Variants in OPCML observed in about 807,000 individuals in gnomAD.
The protein encoded by OPCML is opioid binding protein/cell adhesion molecule like, also known as opioid-binding protein/cell adhesion molecule.
Under a neutral mutation model 37.8 loss-of-function variants are expected in OPCML, and 13 were observed. The observed-to-expected ratio is 0.34, with a 90% CI of 0.22 to 0.55. The LOEUF is 0.55. OPCML is among the 20% of genes least tolerant of loss of function. The pLI, the probability that OPCML is intolerant of heterozygous loss-of-function variation, is 0.91. For missense variants in OPCML, 341 were observed against 435.6 expected (o/e 0.78, Z 1.93); for synonymous variants, 176 against 168.8 (o/e 1.04, Z -0.33).
chr11:133,413,341 A>AG (rs1945690789), intron 1 of OPCML, among the ~76,000 whole-genome samples: 1 of 109,928 alleles, frequency 9.1e-6, no homozygotes. Context: ...GGTAGGGGGG[A>AG]GGGGGAGGGA....
intron 3 of OPCML, among the ~76,000 whole-genome samples, chr11:132,616,075 C>T (rs1180262161): frequency 3.3e-5 from 5 of 152,104 alleles, no homozygotes; most frequent in Non-Finnish European, 7.4e-5. Flanking sequence ...TTTTCTGGGG[C>T]GTTGGTCAAC....
chr11:133,312,864 G>GA (rs1263432398), intron 1 of OPCML, among the ~76,000 whole-genome samples: 11 of 151,752 alleles, frequency 7.2e-5, no homozygotes, highest in African/African-American at 1.9e-4. Context: ...CTCAAAGTTG[G>GA]AAAAAAAATC....
chr11:133,005,237 T>TA, intron 1 of OPCML: 1 of 985,454 alleles, frequency 1.0e-6, no homozygotes, highest in Non-Finnish European at 1.2e-6. Flanking sequence ...GAGACGATTT[T>TA]AAAAGATTGA....
At chr11:132,724,374 G>A (rs946185714) in intron 2 of OPCML, among the ~76,000 whole-genome samples, 1 of 152,138 alleles carries the variant, frequency 6.6e-6, no homozygotes, top group African/African-American at 2.4e-5. Flanking sequence ...TGCTGTTAAA[G>A]AACCCTTATA....
intron 1 of OPCML, among the ~76,000 whole-genome samples, chr11:133,201,301 C>T (rs557607859): frequency 3.8e-4 from 33 of 87,020 alleles, no homozygotes; most frequent in Non-Finnish European, 5.5e-4. Flanking sequence ...GAAAACAATG[C>T]ATGCTTTTTT....
At chr11:133,429,093 G>T (rs898946321) in intron 1 of OPCML, among the ~76,000 whole-genome samples, 1 of 152,166 alleles carries the variant, frequency 6.6e-6, no homozygotes. Flanking sequence ...TGGAAGGAGT[G>T]GGGGAAGAAT....
intron 1 of OPCML, among the ~76,000 whole-genome samples, chr11:133,464,066 C>T (rs1376535682): frequency 1.4e-5 from 2 of 145,730 alleles, no homozygotes; most frequent in Non-Finnish European, 2.9e-5. Flanking sequence ...ATATAGATCC[C>T]AACAGATAAG....
chr11:133,277,189 C>T (rs547128572), intron 1 of OPCML, among the ~76,000 whole-genome samples: 8 of 152,148 alleles, frequency 5.3e-5, no homozygotes, highest in South Asian at 2.1e-4. Context: ...ATATGTGTCA[C>T]GTCCAGCCAT....
chr11:132,649,876 G>T (rs1011213149), intron 3 of OPCML, among the ~76,000 whole-genome samples: 1 of 151,762 alleles, frequency 6.6e-6, no homozygotes. Flanking sequence ...ACATACAGAG[G>T]TACCACGTAC....
At chr11:132,576,582 C>G (rs569869308) in intron 3 of OPCML, among the ~76,000 whole-genome samples, 142 of 152,188 alleles carry the variant, frequency 9.3e-4, no homozygotes, top group African/African-American at 3.2e-3. Flanking sequence ...TTTGAATTCT[C>G]TCTTAGGTAA....
intron 2 of OPCML, among the ~76,000 whole-genome samples, chr11:132,663,925 C>A (rs975617785): frequency 1.3e-5 from 2 of 152,116 alleles, no homozygotes; most frequent in Non-Finnish European, 2.9e-5. Flanking sequence ...CTCCGCCTCC[C>A]GGGTTCACGC....
chr11:133,209,106 G>A (rs1226914855), intron 1 of OPCML, among the ~76,000 whole-genome samples: 1 of 152,106 alleles, frequency 6.6e-6, no homozygotes, highest in East Asian at 1.9e-4. Context: ...AAAGCATTCT[G>A]CCATGTGCCA....
intron 3 of OPCML, among the ~76,000 whole-genome samples, chr11:132,542,062 C>A (rs375188723): frequency 1.8e-4 from 27 of 152,282 alleles, no homozygotes; most frequent in African/African-American, 6.5e-4. Context: ...ATTTAGTGAT[C>A]CTTGGTTACA....
At chr11:133,461,086 A>G (rs1292388574) in intron 1 of OPCML, among the ~76,000 whole-genome samples, 2 of 151,908 alleles carry the variant, frequency 1.3e-5, no homozygotes, top group Admixed American at 1.3e-4. Context: ...CTAACTCAGT[A>G]AGAGCCATCT....
chr11:132,755,470 G>T (rs2043524106), intron 2 of OPCML, among the ~76,000 whole-genome samples: 1 of 152,020 alleles, frequency 6.6e-6, no homozygotes, highest in African/African-American at 2.4e-5. Context: ...ATCCTATCAA[G>T]AACCATATAT....
chr11:133,049,543 A>T (rs563493528), intron 1 of OPCML, among the ~76,000 whole-genome samples: 1 of 152,378 alleles, frequency 6.6e-6, no homozygotes, highest in East Asian at 1.9e-4. Context: ...AATGTTAAAA[A>T]ATCCAAAGCA....
intron 1 of OPCML, among the ~76,000 whole-genome samples, chr11:133,089,257 A>G (rs1948867720): frequency 6.6e-6 from 1 of 152,228 alleles, no homozygotes; most frequent in African/African-American, 2.4e-5. Context: ...AAACAGGCAT[A>G]CATTATGCCA....
chr11:133,306,355 C>G (rs1463673178), intron 1 of OPCML, among the ~76,000 whole-genome samples: 1 of 152,146 alleles, frequency 6.6e-6, no homozygotes, highest in Non-Finnish European at 1.5e-5. Context: ...TGCAAAATAT[C>G]AAACAATGAC....
chr11:132,548,215 T>A (rs567946175), intron 3 of OPCML, among the ~76,000 whole-genome samples: 1 of 152,102 alleles, frequency 6.6e-6, no homozygotes, highest in East Asian at 1.9e-4. Context: ...GTGGGCAGGG[T>A]GCAGAGAGTA....
Sources: allele counts gnomAD v4.1 joint callset (sites outside exome capture counted in the v4.1 genomes callset), GRCh38; gene constraint gnomAD v4.1.1; transcripts MANE v1.5; gene names NCBI Gene and HGNC (gene_info 2026-07-23, HGNC 2026-07-21).